TUBGCP3: variants seen among roughly 807,000 people sequenced by gnomAD.
The protein encoded by TUBGCP3 is tubulin gamma complex component 3.
TUBGCP3 carries 50 observed loss-of-function variants against 123.1 expected under a neutral mutation model. That is an observed-to-expected ratio of 0.41 (90% confidence interval 0.32 to 0.51). The LOEUF is 0.51. TUBGCP3 is among the 20% of genes least tolerant of loss of function. The pLI is 0.36. For missense variants in TUBGCP3, 882 were observed against 1,127.0 expected, an observed-to-expected ratio of 0.78 and a Z score of 3.11; for synonymous variants, 405 against 413.9, an observed-to-expected ratio of 0.98 and a Z score of 0.26.
chr13:112,564,670 G>A (rs983390630), intron 3 of TUBGCP3, among the ~76,000 whole-genome samples: 1 of 152,076 alleles, frequency 6.6e-6, no homozygotes, highest in Non-Finnish European at 1.5e-5. Context: ...AAAAAGGTTA[G>A]AAAAATCATT....
chr13:112,571,238 C>G (rs1043115095), intron 1 of TUBGCP3, among the ~76,000 whole-genome samples: 1 of 152,214 alleles, frequency 6.6e-6, no homozygotes, highest in Non-Finnish European at 1.5e-5. Context: ...GAATCACTAT[C>G]TATGGCAACT....
chr13:112,547,522 CGTGGG>C, intron 10 of TUBGCP3, 93 bp downstream of exon 10: 1 of 1,345,994 alleles, frequency 7.4e-7, no homozygotes, highest in Non-Finnish European at 9.6e-7. Flanking sequence ...GAAAGACGCG[CGTGGG>C]AAAGACGTGC....
rs752185463 is a variant in TUBGCP3 at position 112,554,872 on chromosome 13, T to G, written c.840+15A>C. On this transcript the variant is annotated intron_variant, in intron 7 of 21. Coordinates refer to ENST00000261965, the MANE Select transcript of TUBGCP3 (RefSeq NM_006322.6). ...TCTTTCTGAATATTTTAACTTAGAT[T>G]TTATGTTACTGTACCTTTCCTTCTA... 10 of 1,535,814 alleles carry G rather than the reference T, an allele frequency of 6.5e-6. No individual in the cohort carries two copies. Among genetic ancestry groups the G allele is most frequent in the Non-Finnish European group, 8.9e-6 (10 of 1,127,038 alleles).
intron 1 of TUBGCP3, among the ~76,000 whole-genome samples, chr13:112,579,261 C>G (rs77496861): frequency 0.058 from 8,774 of 152,350 alleles, 455 homozygotes; most frequent in African/African-American, 0.14. Flanking sequence ...AGATTAAAAA[C>G]CACTAACACT....
At chr13:112,522,885 C>T (rs113680475) in intron 13 of TUBGCP3, among the ~76,000 whole-genome samples, 48 of 152,312 alleles carry the variant, frequency 3.2e-4, no homozygotes, top group African/African-American at 1.1e-3. Context: ...ACCAAAACAG[C>T]ACATGCAAAT....
intron 20 of TUBGCP3, among the ~76,000 whole-genome samples, chr13:112,494,269 T>C (rs1008325343): frequency 6.6e-6 from 1 of 152,210 alleles, no homozygotes; most frequent in African/African-American, 2.4e-5. Flanking sequence ...GTCAGAGTAG[T>C]CCTGAGTTCG....
chr13:112,587,838 G>C (rs904450738), intron 1 of TUBGCP3, 67 bp downstream of exon 1: 11 of 1,429,332 alleles, frequency 7.7e-6, no homozygotes, highest in South Asian at 5.0e-5. Flanking sequence ...GAACGTATTA[G>C]GGCTGCACGC....
chr13:112,489,013 C>T (rs1023737886), intron 21 of TUBGCP3, among the ~76,000 whole-genome samples: 2 of 133,522 alleles, frequency 1.5e-5, no homozygotes, highest in Admixed American at 7.2e-5. Context: ...CACAGTGGAG[C>T]ACAGGGGCCA....
intron 10 of TUBGCP3, chr13:112,546,721 A>C (rs1215877435): frequency 1.3e-5 from 2 of 152,378 alleles, no homozygotes; most frequent in Non-Finnish European, 2.9e-5. Flanking sequence ...AGAAAGTGAC[A>C]GAGGAGTTTG....
rs546787053 is a variant in TUBGCP3, at chr13:112,518,407, G to A, written c.1950+568C>T. Among the ~76,000 whole-genome samples, 6 of 152,226 alleles carry A rather than the reference G, an allele frequency of 3.9e-5. No individual in the cohort carries two copies. The South Asian group carries it at 1.3e-3, about 32-fold the overall frequency. On this transcript the variant is annotated intron_variant, in intron 16 of 21. Coordinates refer to ENST00000261965, the MANE Select transcript of TUBGCP3 (RefSeq NM_006322.6). Reference sequence around the variant, plus strand: ...CTGAAGTAAGTTTAGAGGGTATCTTGGTCAAGGAAATTTATTCAAGTCTGA... The same window carrying A: ...CTGAAGTAAGTTTAGAGGGTATCTTAGTCAAGGAAATTTATTCAAGTCTGA...
In TUBGCP3 at chr13:112,489,562, T is replaced by C. The variant is rs765032163; in HGVS notation, c.2565+19A>G. 17 of 1,563,062 alleles carry C rather than the reference T, an allele frequency of 1.1e-5. No individual in the cohort carries two copies. Among genetic ancestry groups the C allele is most frequent in the Non-Finnish European group, 1.5e-5 (17 of 1,133,404 alleles). ...TGGGCAGAGTGGTGTGAAGAGCCAC[T>C]CTGTATCCTCATACACACCTGGTAG... On this transcript the variant is annotated intron_variant, in intron 21 of 21. Transcript: ENST00000261965.
At chr13:112,562,706 C>T (rs1443648767) in intron 3 of TUBGCP3, among the ~76,000 whole-genome samples, 3 of 152,276 alleles carry the variant, frequency 2.0e-5, no homozygotes, top group Non-Finnish European at 2.9e-5. Flanking sequence ...TTTAACCACC[C>T]GAAATCACTT....
intron 5 of TUBGCP3, 31 bp downstream of exon 5, chr13:112,558,165 A>C: frequency 8.2e-6 from 13 of 1,578,942 alleles, no homozygotes; most frequent in Non-Finnish European, 1.1e-5. Flanking sequence ...TCTAACACAT[A>C]GAGAATCTAT....
In TUBGCP3 at chr13:112,545,431, G is replaced by A. The variant is rs117039692; in HGVS notation, c.1335+268C>T. 3.4e-4 allele frequency: 132 copies of A among 383,922 alleles called. No homozygotes were observed. In the East Asian group the frequency reaches 5.4e-3, roughly 16 times the overall value. 23.8% of individuals were successfully genotyped at this position (383,922 alleles called of 1,614,324 possible). ...GGCCTCGTCCTGTTTTGCCATCCAC[G>A]TGCTAGTAAACTCGGACGAGTGATT... On this transcript the variant is annotated intron_variant, in intron 11 of 21. Coordinates refer to ENST00000261965, the MANE Select transcript of TUBGCP3 (RefSeq NM_006322.6). This position sits in a 1 kb window ranked among gnomAD's most constrained non-coding sequence, Gnocchi z 4.1.
the TUBGCP3 span, among the ~76,000 whole-genome samples, chr13:112,600,076 T>C: frequency 2.0e-5 from 3 of 152,192 alleles, no homozygotes; most frequent in African/African-American, 7.2e-5. Flanking sequence ...GCACCCACTG[T>C]GTCATCTCTT....
intron 7 of TUBGCP3, 104 bp from the exon 8 acceptor site, chr13:112,554,286 C>G (rs908281632): frequency 7.5e-7 from 1 of 1,338,676 alleles, no homozygotes; most frequent in African/African-American, 1.5e-5. Context: ...AATCCTTAGG[C>G]TTCAAGACAT....
upstream of TUBGCP3, among the ~76,000 whole-genome samples, chr13:112,590,643 G>T (rs1275721274): frequency 6.6e-6 from 1 of 152,098 alleles, no homozygotes; most frequent in South Asian, 2.1e-4. Flanking sequence ...TTCCGATTTG[G>T]GGAGTTCCTC....
At chr13:112,561,557 G>A (rs1265029620) in intron 3 of TUBGCP3, among the ~76,000 whole-genome samples, 1 of 152,160 alleles carries the variant, frequency 6.6e-6, no homozygotes, top group African/African-American at 2.4e-5. Context: ...CTCATGGGGG[G>A]CAAGATCAAT....
intron 13 of TUBGCP3, among the ~76,000 whole-genome samples, chr13:112,525,937 C>T (rs1192240726): frequency 2.6e-5 from 4 of 152,128 alleles, no homozygotes; most frequent in African/African-American, 7.2e-5. Flanking sequence ...TATATATATA[C>T]ATACATAATA....
Sources: allele counts gnomAD v4.1 joint callset (sites outside exome capture counted in the v4.1 genomes callset), GRCh38; gene constraint gnomAD v4.1.1; non-coding constraint Gnocchi (gnomAD v3.1); transcripts MANE v1.5; gene names NCBI Gene and HGNC (gene_info 2026-07-23, HGNC 2026-07-21).